Variants in DPYD observed in about 807,000 individuals in gnomAD.
DPYD encodes dihydropyrimidine dehydrogenase.
DPYD carries 109 observed loss-of-function variants against 116.2 expected under a neutral mutation model. The observed-to-expected ratio is 0.94, with a 90% CI of 0.80 to 1.10. The LOEUF (loss-of-function observed/expected upper bound fraction) is 1.10. Ranked by LOEUF, DPYD falls within the 50% of genes least tolerant of loss-of-function variation. The pLI is 0.00. For missense variants in DPYD, 1,302 were observed against 1,254.5 expected (o/e 1.04, Z -0.57); for synonymous variants, 440 against 432.0 (o/e 1.02, Z -0.23).
intron 14 of DPYD, among the ~76,000 whole-genome samples, chr1:97,430,640 T>G (rs1245319540): frequency 6.6e-6 from 1 of 151,950 alleles, no homozygotes; most frequent in Non-Finnish European, 1.5e-5. Flanking sequence ...AATACTATGA[T>G]GCACATAAAA....
chr1:97,450,190 G>A lies in DPYD; in HGVS notation c.1774C>T (p.Arg592Trp), dbSNP rs59086055. ...IVTNVSPRIIRGTTSGPMYGP... is the reference protein window; with the variant it reads ...IVTNVSPRIIWGTTSGPMYGP... Reference sequence around the variant, plus strand: ...TACATGGGGCCAGAGGTGGTTCCCCGGATGATTCTGGGGGAAACATTTGTC... The same window carrying A: ...TACATGGGGCCAGAGGTGGTTCCCCAGATGATTCTGGGGGAAACATTTGTC... Residue 592 changes from arginine (R) to tryptophan (W), a missense_variant, in exon 14 of 23, where the codon CGG becomes TGG. Arg to Trp is a moderately radical substitution (Grantham distance 101, BLOSUM62 -3). Coordinates refer to ENST00000370192, the MANE Select transcript of DPYD (RefSeq NM_000110.4). 85 of 1,613,678 alleles carry A rather than the reference G, an allele frequency of 5.3e-5. No homozygotes were observed. The East Asian group carries it at 8.5e-4, about 16-fold the overall frequency.
At chr1:97,134,736 T>C (rs1025301494) in intron 20 of DPYD, among the ~76,000 whole-genome samples, 1 of 152,164 alleles carries the variant, frequency 6.6e-6, no homozygotes, top group Admixed American at 6.6e-5. Flanking sequence ...TTTTACTACA[T>C]ACTTTTAAAG....
intron 12 of DPYD, chr1:97,545,800 G>T: frequency 6.5e-7 from 1 of 1,527,138 alleles, no homozygotes; most frequent in Non-Finnish European, 9.1e-7. Flanking sequence ...TCAGATGGCC[G>T]TTCAGGGACT....
In DPYD at chr1:97,745,296, GT is replaced by G. The variant is rs1356571390; in HGVS notation, c.234-4818del. 2.6e-5 allele frequency among the ~76,000 whole-genome samples: 4 copies of G among 152,070 alleles called. No homozygotes were observed. In the East Asian group the frequency reaches 7.7e-4, roughly 29 times the overall value. ...CACCATTTGCCTTTTAACCACACCT[GT>G]GATGTTCATGTTTTGAGGCTTTTGA... On this transcript the variant is annotated intron_variant, in intron 3 of 22. Coordinates refer to ENST00000370192, the MANE Select transcript of DPYD (RefSeq NM_000110.4).
chr1:97,566,881 A>G (rs1476627074), intron 11 of DPYD, among the ~76,000 whole-genome samples: 1 of 152,212 alleles, frequency 6.6e-6, no homozygotes, highest in Non-Finnish European at 1.5e-5. Context: ...CAATTTCATT[A>G]TAAATTACCA....
chr1:97,643,924 G>T lies in DPYD; in HGVS notation c.850+35171C>A, dbSNP rs558702500. ...CAGGGAGGGGAACATCACACACCAG[G>T]GCCTGTCAGGGGTTGGGGGGCTAGG... On this transcript the variant is annotated intron_variant, in intron 8 of 22. Coordinates refer to ENST00000370192, the MANE Select transcript of DPYD (RefSeq NM_000110.4). Among the ~76,000 whole-genome samples, 265 of 152,036 alleles carry T rather than the reference G, an allele frequency of 1.7e-3. 1 individual carries two copies. Among genetic ancestry groups the T allele is most frequent in the African/African-American group, 6.0e-3 (249 of 41,446 alleles).
intron 13 of DPYD, among the ~76,000 whole-genome samples, chr1:97,510,907 C>A (rs1647743486): frequency 6.6e-6 from 1 of 151,916 alleles, no homozygotes; most frequent in African/African-American, 2.4e-5. Flanking sequence ...CTTGATAAGA[C>A]ATTGTGAGGC....
At chr1:97,174,097 G>A (rs891241424) in intron 20 of DPYD, among the ~76,000 whole-genome samples, 3 of 151,976 alleles carry the variant, frequency 2.0e-5, no homozygotes, top group Admixed American at 2.0e-4. Context: ...TTGATTTAAA[G>A]TTTCCAGACA....
At chr1:97,817,238 C>A (rs1035360422) in intron 3 of DPYD, among the ~76,000 whole-genome samples, 1 of 152,046 alleles carries the variant, frequency 6.6e-6, no homozygotes, top group African/African-American at 2.4e-5. Flanking sequence ...TGGCCTTTTA[C>A]AATAAAATGT....
chr1:97,686,636 CAAAAAAAAAAAA>C (rs1159274157), intron 7 of DPYD, among the ~76,000 whole-genome samples: 3 of 10,054 alleles, frequency 3.0e-4, no homozygotes, highest in African/African-American at 6.7e-4. Context: ...GACTCTGTCT[CAAAAAAAAAAAA>C]AAAAAAAAAA....
chr1:97,338,168 T>C (rs9782950), intron 16 of DPYD, among the ~76,000 whole-genome samples: 62,151 of 151,954 alleles, frequency 0.41, 14,165 homozygotes, highest in African/African-American at 0.61. Flanking sequence ...TACTGAGACA[T>C]TGGGAAAATT....
chr1:97,662,606 C>G (rs937189878), intron 8 of DPYD, among the ~76,000 whole-genome samples: 1 of 151,994 alleles, frequency 6.6e-6, no homozygotes, highest in Non-Finnish European at 1.5e-5. Context: ...GCACTCCAGC[C>G]TGGGCGACAG....
chr1:97,514,165 A>T, intron 13 of DPYD: 1 of 979,728 alleles, frequency 1.0e-6, no homozygotes, highest in Non-Finnish European at 1.2e-6. Flanking sequence ...TTTAGAAGGA[A>T]GTTAGCTTCC....
intron 20 of DPYD, among the ~76,000 whole-genome samples, chr1:97,125,531 C>G (rs1197394234): frequency 6.6e-6 from 1 of 152,060 alleles, no homozygotes; most frequent in East Asian, 1.9e-4. Context: ...GAATGAGACT[C>G]AGTTTACTCA....
chr1:97,408,673 G>A (rs200747511), intron 14 of DPYD, among the ~76,000 whole-genome samples: 1 of 152,126 alleles, frequency 6.6e-6, no homozygotes, highest in East Asian at 1.9e-4. Context: ...TTGTGTCTGT[G>A]AGGATGTTGC....
intron 7 of DPYD, among the ~76,000 whole-genome samples, chr1:97,687,359 C>G (rs779511465): frequency 6.6e-6 from 1 of 151,926 alleles, no homozygotes; most frequent in African/African-American, 2.4e-5. Flanking sequence ...ATGTGGCCAA[C>G]AAACAAACAT....
At chr1:97,160,731 A>G (rs894028616) in intron 20 of DPYD, among the ~76,000 whole-genome samples, 2 of 152,152 alleles carry the variant, frequency 1.3e-5, no homozygotes, top group African/African-American at 4.8e-5. Flanking sequence ...TGTACAACCT[A>G]AATTGTTTAC....
At chr1:97,908,853 T>C (rs191153003) in intron 1 of DPYD, among the ~76,000 whole-genome samples, 2 of 152,178 alleles carry the variant, frequency 1.3e-5, no homozygotes, top group Admixed American at 1.3e-4. Context: ...TGATACACTA[T>C]TATGACTTCT....
At chr1:97,632,565 A>G (rs1397953531) in intron 8 of DPYD, among the ~76,000 whole-genome samples, 2 of 152,180 alleles carry the variant, frequency 1.3e-5, no homozygotes, top group African/African-American at 4.8e-5. Flanking sequence ...TTGGAATATT[A>G]ATCATACATG....
Sources: allele counts gnomAD v4.1 joint callset (sites outside exome capture counted in the v4.1 genomes callset), GRCh38; gene constraint gnomAD v4.1.1; transcripts MANE v1.5; gene names NCBI Gene and HGNC (gene_info 2026-07-23, HGNC 2026-07-21).